IL1RAPL1: variants seen among roughly 807,000 people sequenced by gnomAD.
The protein encoded by IL1RAPL1 is interleukin 1 receptor accessory protein like 1, also known as interleukin-1 receptor accessory protein-like 1.
Under a neutral mutation model 48.4 loss-of-function variants are expected in IL1RAPL1, and 3 were observed. That is an observed-to-expected ratio of 0.06 (90% CI 0.03 to 0.16). The LOEUF (loss-of-function observed/expected upper bound fraction) is 0.16, where lower values mean the gene tolerates loss of function less well. Ranked by LOEUF, IL1RAPL1 falls within the 10% of genes least tolerant of loss-of-function variation. The pLI is 1.00. For synonymous variants in IL1RAPL1, 185 were observed against 187.7 expected (o/e 0.99, Z 0.12); for missense variants, 349 against 530.6 (o/e 0.66, Z 3.36).
chrX:29,615,346 G>T (rs908349560), intron 5 of IL1RAPL1, among the ~76,000 whole-genome samples: 1 of 109,649 alleles, frequency 9.1e-6, no homozygotes, highest in Non-Finnish European at 1.9e-5. Context: ...TCCATTGCTT[G>T]TGAATCTTAA....
rs758777341 is a variant in IL1RAPL1 at position 29,177,996 on chromosome X, A to T, written c.83-104942A>T. 5.5e-4 allele frequency among the ~76,000 whole-genome samples: 61 copies of T among 111,877 alleles called. 2 individuals carry two copies. The South Asian group carries it at 0.022, about 41-fold the overall frequency. ...ATTTTCTTAATCCAGTCTATCATTG[A>T]TGGACATTTGAGTTGGTTCCAAGTC... On this transcript the variant is annotated intron_variant, in intron 2 of 10. Transcript: ENST00000378993.
At chrX:28,837,966 G>A (rs956747599) in intron 2 of IL1RAPL1, among the ~76,000 whole-genome samples, 16 of 109,904 alleles carry the variant, frequency 1.5e-4, no homozygotes, top group Non-Finnish European at 2.7e-4. Context: ...TTGACCTTAC[G>A]TTTTCCTAGG....
At chrX:29,155,551 A>G (rs1929552084) in intron 2 of IL1RAPL1, among the ~76,000 whole-genome samples, 1 of 112,033 alleles carries the variant, frequency 8.9e-6, no homozygotes, top group Admixed American at 9.5e-5. Context: ...TCAACAATAT[A>G]TCCACCAAAA....
At chrX:28,713,289 C>T (rs949448334) in intron 1 of IL1RAPL1, among the ~76,000 whole-genome samples, 5 of 110,813 alleles carry the variant, frequency 4.5e-5, no homozygotes, top group Non-Finnish European at 9.4e-5. Context: ...ATCTCCTGAA[C>T]TCGTGATCTG....
chrX:29,912,302 T>C (rs1174347157), intron 6 of IL1RAPL1, among the ~76,000 whole-genome samples: 2 of 111,565 alleles, frequency 1.8e-5, no homozygotes, highest in South Asian at 7.5e-4. Flanking sequence ...AATGAAGCTT[T>C]AAAAAAAGGG....
chrX:29,419,969 T>C (rs1934271213), intron 5 of IL1RAPL1, among the ~76,000 whole-genome samples: 1 of 111,858 alleles, frequency 8.9e-6, no homozygotes, highest in East Asian at 2.8e-4. Context: ...GACTAGTTCT[T>C]ATCAATGAGT....
At position 28,587,484 on chromosome X, in the gene IL1RAPL1, G is replaced by A. The variant is rs1395110400; in HGVS notation, c.-588G>A. ...AACCCCGTCGGATCTGTTATTGCGG[G>A]ATACTTGTGAAATATACATAGGATT... On this transcript the variant is annotated 5_prime_UTR_variant, in exon 1 of 11. Coordinates refer to ENST00000378993, the MANE Select transcript of IL1RAPL1 (RefSeq NM_014271.4). 1 of 109,707 alleles carries A rather than the reference G, an allele frequency of 9.1e-6. No homozygotes were observed. Among genetic ancestry groups the A allele is most frequent in the East Asian group, 2.9e-4 (1 of 3,455 alleles). The allele number at this position is 109,707 out of a possible 1,213,427, so 9.0% of individuals were successfully genotyped here.
chrX:29,666,251 C>CAGTTG (rs1413047375), intron 5 of IL1RAPL1, among the ~76,000 whole-genome samples: 1 of 111,037 alleles, frequency 9.0e-6, no homozygotes, highest in Non-Finnish European at 1.9e-5. Flanking sequence ...TAATATATAT[C>CAGTTG]AGTTGAATTG....
chrX:29,072,840 A>G (rs375725213), intron 2 of IL1RAPL1, among the ~76,000 whole-genome samples: 1 of 111,667 alleles, frequency 9.0e-6, no homozygotes, highest in Non-Finnish European at 1.9e-5. Context: ...CAAGGTTGCT[A>G]GACCTTCTTT....
At chrX:28,745,143 T>C (rs781033704) in intron 1 of IL1RAPL1, among the ~76,000 whole-genome samples, 7 of 111,640 alleles carry the variant, frequency 6.3e-5, no homozygotes, top group African/African-American at 2.3e-4. Flanking sequence ...TAAGTTGTGT[T>C]TTGCATGTAA....
intron 2 of IL1RAPL1, among the ~76,000 whole-genome samples, chrX:29,123,448 T>C (rs1166599663): frequency 8.9e-6 from 1 of 112,325 alleles, no homozygotes; most frequent in Non-Finnish European, 1.9e-5. Flanking sequence ...AGTTAATACA[T>C]ATGAAAAGAT....
In IL1RAPL1 at chrX:29,336,674, A is replaced by T. The variant is rs779324523; in HGVS notation, c.362+53457A>T. ...AACTGTATTTCTGTGCTTAAGTTCG[A>T]TGAAGCATAGACAGGTGTGGAGAAA... On this transcript the variant is annotated intron_variant, in intron 3 of 10. Coordinates refer to ENST00000378993, the MANE Select transcript of IL1RAPL1 (RefSeq NM_014271.4). Among the ~76,000 whole-genome samples the T allele has an allele frequency of 2.7e-5, 3 of 111,261 alleles. No homozygotes were observed. In the Admixed American group the frequency reaches 2.9e-4, roughly 11 times the overall value.
chrX:29,030,375 G>A (rs1238395555), intron 2 of IL1RAPL1, among the ~76,000 whole-genome samples: 1 of 111,380 alleles, frequency 9.0e-6, no homozygotes, highest in Non-Finnish European at 1.9e-5. Flanking sequence ...TTCATGTAAT[G>A]AACACAGTAT....
intron 6 of IL1RAPL1, among the ~76,000 whole-genome samples, chrX:29,697,791 G>A (rs982167449): frequency 4.5e-5 from 5 of 111,271 alleles, no homozygotes; most frequent in African/African-American, 1.3e-4. Flanking sequence ...CTTCACAGCC[G>A]ACATGAGCGC....
intron 3 of IL1RAPL1, among the ~76,000 whole-genome samples, chrX:29,290,231 A>C (rs1484046910): frequency 8.9e-6 from 1 of 111,907 alleles, no homozygotes; most frequent in Non-Finnish European, 1.9e-5. Context: ...GAGATAGAGT[A>C]GCCCCGTTCC....
At chrX:28,666,335 A>G (rs946326012) in intron 1 of IL1RAPL1, among the ~76,000 whole-genome samples, 1 of 111,934 alleles carries the variant, frequency 8.9e-6, no homozygotes, top group African/African-American at 3.3e-5. Flanking sequence ...TAATTTAACA[A>G]ACAATGTGAT....
intron 6 of IL1RAPL1, among the ~76,000 whole-genome samples, chrX:29,841,644 C>T (rs985990964): frequency 9.0e-6 from 1 of 111,228 alleles, no homozygotes; most frequent in Non-Finnish European, 1.9e-5. Flanking sequence ...AAAAGATGGA[C>T]GTATACATAG....
In IL1RAPL1 at chrX:28,804,027, A is replaced by C. The variant is rs139000557; in HGVS notation, c.82+14602A>C. 6.6e-3 allele frequency among the ~76,000 whole-genome samples: 740 copies of C among 111,739 alleles called. 7 individuals are homozygous for C. The highest frequency in any genetic ancestry group is 0.023 in the African/African-American group (700 of 30,798). On this transcript the variant is annotated intron_variant, in intron 2 of 10. Coordinates refer to ENST00000378993, the MANE Select transcript of IL1RAPL1 (RefSeq NM_014271.4). ...CTATACCTATGAATCATATCCTGAA[A>C]ATTGTTTATATAATTTCCTCATAAC...
At chrX:28,795,838 G>C (rs980150435) in intron 2 of IL1RAPL1, among the ~76,000 whole-genome samples, 5 of 110,957 alleles carry the variant, frequency 4.5e-5, no homozygotes, top group African/African-American at 6.6e-5. Flanking sequence ...CAGTATAGAA[G>C]CTGGCAAATG....
Sources: gnomAD v4.1 joint callset for allele counts (sites outside exome capture counted in the v4.1 genomes callset) on GRCh38, gnomAD v4.1.1 for gene constraint, MANE v1.5 for transcripts, NCBI Gene and HGNC (gene_info 2026-07-23, HGNC 2026-07-21) for gene names.